WNK1: variants seen among roughly 807,000 people sequenced by gnomAD.
The protein encoded by WNK1 is WNK lysine deficient protein kinase 1.
A neutral mutation model predicts 222.8 loss-of-function variants in WNK1; 38 were observed. The ratio of observed to expected loss-of-function variants is 0.17; its 90% CI spans 0.13 to 0.22. WNK1 has a LOEUF of 0.22. WNK1 is among the 10% of genes least tolerant of loss of function. The probability of loss-of-function intolerance (pLI) is 1.00; values close to 1 mark genes in which losing one functional copy is unlikely to be tolerated. For missense variants in WNK1, 2,348 were observed against 2,918.4 expected (o/e 0.80, Z 4.50); for synonymous variants, 1,090 against 1,092.9 (o/e 1.00, Z 0.05).
intron 2 of WNK1, among the ~76,000 whole-genome samples, chr12:823,450 ACT>A (rs945923012): frequency 1.3e-5 from 2 of 151,460 alleles, no homozygotes; most frequent in Non-Finnish European, 2.9e-5. Context: ...GATCTCTTAG[ACT>A]CTGCTCATTT....
At chr12:902,265 T>C (rs1479900051) in intron 26 of WNK1, among the ~76,000 whole-genome samples, 1 of 152,046 alleles carries the variant, frequency 6.6e-6, no homozygotes, top group Admixed American at 6.6e-5. Flanking sequence ...ATTGCACCAC[T>C]GCACCCCAGC....
At position 861,251 on chromosome 12, in the gene WNK1, C is replaced by T. The variant is rs1951198605; in HGVS notation, c.1859C>T (p.Ser620Leu). ...STGIPTASTT[S>L]ASVSTQVEPE... Reference sequence around the variant, plus strand: ...GGCATACCTACTGCTTCTACCACTTCAGCTTCAGTTTCTACACAAGTAGAA... The same window carrying T: ...GGCATACCTACTGCTTCTACCACTTTAGCTTCAGTTTCTACACAAGTAGAA... Residue 620 changes from serine to leucine, a missense_variant, in exon 7 of 28, where the codon TCA becomes TTA. Physicochemically the swap from Ser to Leu is moderately radical, Grantham distance 145. Transcript: ENST00000315939. 1 of 1,614,064 alleles carries T rather than the reference C, an allele frequency of 6.2e-7. No individual in the cohort carries two copies. The highest frequency in any genetic ancestry group is 1.7e-5 in the Admixed American group (1 of 60,004).
chr12:907,831 C>T lies in WNK1; in HGVS notation c.6644-16C>T, dbSNP rs763127049. 9 of 1,612,984 alleles carry T rather than the reference C, an allele frequency of 5.6e-6. No homozygotes were observed. The highest frequency in any genetic ancestry group is 3.4e-6 in the Non-Finnish European group (4 of 1,180,000). On this transcript the variant is annotated splice_polypyrimidine_tract_variant and intron_variant, in intron 26 of 27. Transcript: ENST00000315939. ...CTAGGCTTCTTTTAATGCTCGTATT[C>T]TGTTGCTTATAATAGGAACCAGCAG... is the stretch of plus-strand genomic sequence containing the variant.
intron 1 of WNK1, among the ~76,000 whole-genome samples, chr12:797,863 C>A (rs1390113484): frequency 1.3e-5 from 2 of 150,812 alleles, no homozygotes; most frequent in East Asian, 3.9e-4. Context: ...ACAGGATAAT[C>A]GCTTGAACCC....
chr12:800,666 T>C (rs1195660581), intron 1 of WNK1, among the ~76,000 whole-genome samples: 3 of 152,144 alleles, frequency 2.0e-5, no homozygotes, highest in Non-Finnish European at 1.5e-5. Context: ...ATTTAGAGTT[T>C]GTCTGTATTT....
chr12:908,985 T>C lies in WNK1; in HGVS notation c.*193T>C. On this transcript the variant is annotated 3_prime_UTR_variant, in exon 28 of 28. Coordinates refer to ENST00000315939, the MANE Select transcript of WNK1 (RefSeq NM_018979.4). ...GTCTCCCCCGCTCCAGTTATTGGAA[T>C]GGGAGAGGAAGGAAAGAACAGCTTT... The C allele has an allele frequency of 1.6e-5, 11 of 670,788 alleles. No homozygotes were observed. In the South Asian group the frequency reaches 2.1e-4, roughly 13 times the overall value. 41.6% of individuals were successfully genotyped at this position (670,788 alleles called of 1,614,324 possible).
chr12:859,175 A>G (rs1323860982), intron 5 of WNK1, 70 bp from the exon 6 acceptor site: 1 of 1,352,582 alleles, frequency 7.4e-7, no homozygotes, highest in Non-Finnish European at 1.1e-6. Context: ...AATTGGCCAC[A>G]TTTGAAAATT....
chr12:828,799 C>G (rs1286494315), intron 3 of WNK1, among the ~76,000 whole-genome samples: 2 of 152,140 alleles, frequency 1.3e-5, no homozygotes, highest in Non-Finnish European at 2.9e-5. Flanking sequence ...AACTTGAGGT[C>G]TTCATAAACA....
intron 9 of WNK1, among the ~76,000 whole-genome samples, chr12:873,437 G>A (rs957818429): frequency 1.3e-5 from 2 of 152,092 alleles, no homozygotes; most frequent in African/African-American, 2.4e-5. Flanking sequence ...TTGTTTCAGT[G>A]ATGTTTTTGT....
chr12:844,918 C>T (rs1485238189), intron 4 of WNK1, among the ~76,000 whole-genome samples: 16 of 100,626 alleles, frequency 1.6e-4, no homozygotes, highest in African/African-American at 4.7e-4. Context: ...TTTTTTGAGA[C>T]GGAGTCTCGC....
chr12:858,074 C>A lies in WNK1; in HGVS notation c.1400+825C>A, dbSNP rs143492423. Among the ~76,000 whole-genome samples, 423 of 152,164 alleles carry A rather than the reference C, an allele frequency of 2.8e-3. 1 individual carries two copies. Among genetic ancestry groups the A allele is most frequent in the South Asian group, 8.3e-3 (40 of 4,826 alleles). On this transcript the variant is annotated intron_variant, in intron 5 of 27. Transcript: ENST00000315939. ...ATCGTTATTTAGAAGAGCTTAACTT[C>A]ATGGTTTTTAAGCCTTTATTAAGTA...
At chr12:881,058 G>T (rs1433242907) in intron 12 of WNK1, 59 bp downstream of exon 12, 7 of 1,603,454 alleles carry the variant, frequency 4.4e-6, no homozygotes, top group Non-Finnish European at 5.1e-6. Context: ...GGACAACAAT[G>T]ATAAAGGAGA....
In WNK1 at chr12:884,722, C is replaced by T. The variant is rs765145364; in HGVS notation, c.3918C>T (p.Ala1306=). 3.7e-6 allele frequency: 6 copies of T among 1,614,046 alleles called. No homozygotes were observed. Among genetic ancestry groups the T allele is most frequent in the Non-Finnish European group, 5.1e-6 (6 of 1,180,036 alleles). The change falls in exon 19 of 28, where the codon GCC becomes GCT. Residue 1306 remains alanine (A), a synonymous_variant. Coordinates refer to ENST00000315939, the MANE Select transcript of WNK1 (RefSeq NM_018979.4). This position sits in a 1 kb window ranked among gnomAD's most constrained non-coding sequence, Gnocchi z 5.6. ...HSASSLSLQQ[A]FSELRRAQMT... Reference sequence around the variant, plus strand: ...CATCATCCCTTAGTCTACAACAGGCCTTTTCTGAACTTAGACGTGCCCAAA... The same window carrying T: ...CATCATCCCTTAGTCTACAACAGGCTTTTTCTGAACTTAGACGTGCCCAAA...
intron 12 of WNK1, chr12:881,478 T>C: frequency 1.7e-6 from 1 of 583,990 alleles, no homozygotes; most frequent in Non-Finnish European, 3.1e-6. Flanking sequence ...GCTGACCTCA[T>C]ACCATGCAGT....
At chr12:779,397 G>GTTT (rs5795950) in intron 1 of WNK1, among the ~76,000 whole-genome samples, 1 of 124,274 alleles carries the variant, frequency 8.0e-6, no homozygotes. Flanking sequence ...TTTCTTTTCT[G>GTTT]TTTTTTTTTT....
At chr12:775,309 C>T (rs929271612) in intron 1 of WNK1, among the ~76,000 whole-genome samples, 2 of 152,118 alleles carry the variant, frequency 1.3e-5, no homozygotes, top group Non-Finnish European at 2.9e-5. Flanking sequence ...AGATAAATGG[C>T]TTATCAAGTA....
At chr12:887,104 T>C (rs1953735277) in intron 19 of WNK1, 117 bp from the exon 20 acceptor site, 3 of 951,890 alleles carry the variant, frequency 3.2e-6, no homozygotes, top group South Asian at 2.7e-5. Flanking sequence ...TAAACATGTC[T>C]TAACTATATA....
chr12:911,185 G>GTGTT lies in WNK1; in HGVS notation c.*2394_*2397dup. On this transcript the variant is annotated 3_prime_UTR_variant, in exon 28 of 28. Transcript: ENST00000315939. ...CTACTGAACTGTTTAAATTATTTTTGTGTTAATAGTACACTTTGAGTATCT... is the reference window on the plus strand; with the variant it reads ...CTACTGAACTGTTTAAATTATTTTTGTGTTTGTTAATAGTACACTTTGAGTATCT... 2.5e-6 allele frequency: 1 copy of GTGTT among 397,522 alleles called. No homozygotes were observed. Among genetic ancestry groups the GTGTT allele is most frequent in the Non-Finnish European group, 4.4e-6 (1 of 225,720 alleles). 24.6% of individuals were successfully genotyped at this position (397,522 alleles called of 1,614,324 possible). A position where few individuals can be genotyped will look rare whatever the true frequency, so the allele number is the denominator to read the frequency against.
intron 1 of WNK1, among the ~76,000 whole-genome samples, chr12:757,794 T>C (rs371946414): frequency 2.0e-5 from 3 of 147,008 alleles, no homozygotes; most frequent in East Asian, 3.9e-4. Context: ...TCCCAGCACT[T>C]TGGGAGGCCG....
Sources: gnomAD v4.1 joint callset for allele counts (sites outside exome capture counted in the v4.1 genomes callset) on GRCh38, gnomAD v4.1.1 for gene constraint, Gnocchi (gnomAD v3.1) non-coding constraint, MANE v1.5 for transcripts, NCBI Gene and HGNC (gene_info 2026-07-23, HGNC 2026-07-21) for gene names.